PROCR: variants seen among roughly 807,000 people sequenced by gnomAD.
PROCR encodes the protein protein C receptor.
A neutral mutation model predicts 24.2 loss-of-function variants in PROCR; 22 were observed. The ratio of observed to expected loss-of-function variants is 0.91; its 90% CI spans 0.65 to 1.30. The LOEUF is 1.30. Among genes scored for constraint, PROCR ranks in the 50% most tolerant of loss-of-function variants. The pLI is 0.00. For synonymous variants in PROCR, 137 were observed against 139.2 expected (o/e 0.98, Z 0.11); for missense variants, 288 against 307.7 (o/e 0.94, Z 0.48).
chr20:35,202,085 T>C (rs1325679303), intron 1 of PROCR: 1 of 152,100 alleles, frequency 6.6e-6, no homozygotes, highest in Non-Finnish European at 1.5e-5. Flanking sequence ...CAAAAAACAC[T>C]CTACCCAAGA....
At chr20:35,197,620 G>C (rs747885350) in intron 1 of PROCR, among the ~76,000 whole-genome samples, 3 of 151,728 alleles carry the variant, frequency 2.0e-5, no homozygotes, top group East Asian at 1.9e-4. Context: ...TCAGGAGTTC[G>C]AGACTAGCCT....
At position 35,195,845 on chromosome 20, in the gene PROCR, A is replaced by AAAAG. The variant is rs763109561; in HGVS notation, c.94+19415_94+19418dup. ...CAAAAAAAAAAAAAAAAAGAAAAAG[A>AAAAG]AAAGAAAGAAAGAAAGAAAAAGAAC... is the stretch of plus-strand genomic sequence containing the variant. On this transcript the variant is annotated intron_variant, in intron 1 of 1. Transcript: ENST00000634509. 3.6e-3 allele frequency among the ~76,000 whole-genome samples: 538 copies of AAAAG among 150,952 alleles called. 2 individuals carry two copies. The highest frequency in any genetic ancestry group is 6.6e-3 in the Non-Finnish European group (445 of 67,720).
In PROCR at chr20:35,174,739, C is replaced by T; in HGVS notation, c.108C>T (p.Phe36=). The part of the protein sequence containing the change: ...QRLHMLQISY[F]RDPYHVWYQG... ...TTCATATGCTCCAGATCTCCTACTT[C>T]CGCGACCCCTATCACGTGTGGTACC... The change falls in exon 2 of 4, where the codon TTC becomes TTT. Residue 36 remains phenylalanine, a synonymous_variant. Transcript: ENST00000216968. The T allele has an allele frequency of 6.2e-7, 1 of 1,614,124 alleles. No individual in the cohort carries two copies. Among genetic ancestry groups the T allele is most frequent in the Non-Finnish European group, 8.5e-7 (1 of 1,180,014 alleles).
rs1029190106 is a variant in PROCR, at chr20:35,172,171, T to C, written c.17T>C (p.Leu6Pro). Residue 6 changes from leucine (L) to proline (P), a missense_variant, in exon 1 of 4, where the codon CTG becomes CCG. Coordinates refer to ENST00000216968, the MANE Select transcript of PROCR (RefSeq NM_006404.5). Reference sequence around the variant, plus strand: ...AACTTCAGGATGTTGACAACATTGCTGCCGATACTGCTGCTGTCTGGCTGG... The same window carrying C: ...AACTTCAGGATGTTGACAACATTGCCGCCGATACTGCTGCTGTCTGGCTGG... MLTTLLPILLLSGWAF... is the reference protein window; with the variant it reads MLTTLPPILLLSGWAF... 1 of 1,614,192 alleles carries C rather than the reference T, an allele frequency of 6.2e-7. No homozygotes were observed. The highest frequency in any genetic ancestry group is 1.3e-5 in the African/African-American group (1 of 75,064).
At chr20:35,203,009 G>A (rs1341096887) in intron 1 of PROCR, 1 of 152,138 alleles carries the variant, frequency 6.6e-6, no homozygotes, top group African/African-American at 2.4e-5. Flanking sequence ...CGGGCGTGGT[G>A]GCTCACACTT....
chr20:35,195,445 A>C (rs2086207308), intron 1 of PROCR: 1 of 152,206 alleles, frequency 6.6e-6, no homozygotes, highest in African/African-American at 2.4e-5. Flanking sequence ...AAATGTTTTT[A>C]AACAATCAGA....
chr20:35,201,227 A>G (rs2060317021), intron 1 of PROCR, among the ~76,000 whole-genome samples: 1 of 152,172 alleles, frequency 6.6e-6, no homozygotes, highest in Non-Finnish European at 1.5e-5. Flanking sequence ...AATATAAAAC[A>G]TATTCAAATA....
Position 35,172,093 on chromosome 20 carries a change from C to T in PROCR, c.-62C>T. The T allele has an allele frequency of 6.6e-7, 1 of 1,519,462 alleles. No homozygotes were observed. Among genetic ancestry groups the T allele is most frequent in the Non-Finnish European group, 9.1e-7 (1 of 1,094,304 alleles). The allele number at this position is 1,519,462 out of a possible 1,614,324, so 94.1% of individuals were successfully genotyped here. A position where few individuals can be genotyped will look rare whatever the true frequency, so the allele number is the denominator to read the frequency against. On this transcript the variant is annotated 5_prime_UTR_variant, in exon 1 of 4. Coordinates refer to ENST00000216968, the MANE Select transcript of PROCR (RefSeq NM_006404.5). ...CCTCACTTCTCTTTTCCCTAGACTG[C>T]AGCCAGCGGAGCCCGCAGCCGGCCC... is the stretch of plus-strand genomic sequence containing the variant.
At chr20:35,183,582 T>C (rs1277526398) in intron 1 of PROCR, among the ~76,000 whole-genome samples, 2 of 152,188 alleles carry the variant, frequency 1.3e-5, no homozygotes, top group Non-Finnish European at 2.9e-5. Context: ...TATTCCAGTA[T>C]AGCAGCACAA....
At chr20:35,174,987 C>T (rs1295282478) in intron 2 of PROCR, 34 bp downstream of exon 2, 15 of 115,284 alleles carry the variant, frequency 1.3e-4, no homozygotes, top group Admixed American at 1.2e-3. Flanking sequence ...GGGGTCTGGG[C>T]GGGGCTAGTG....
chr20:35,210,754 C>A (rs1306199191), intron 1 of PROCR, among the ~76,000 whole-genome samples: 1 of 151,078 alleles, frequency 6.6e-6, no homozygotes, highest in Non-Finnish European at 1.5e-5. Flanking sequence ...TCACTCTTGC[C>A]CAGGCTAGAG....
intron 1 of PROCR, among the ~76,000 whole-genome samples, chr20:35,195,788 T>G (rs2086209689): frequency 7.3e-6 from 1 of 136,972 alleles, no homozygotes. Context: ...ACCATTGCAC[T>G]CTAGCTTGAG....
intron 1 of PROCR, among the ~76,000 whole-genome samples, chr20:35,205,265 T>TC (rs2060333714): frequency 7.4e-6 from 1 of 134,488 alleles, no homozygotes; most frequent in Non-Finnish European, 1.7e-5. Context: ...AGAGCAAGAC[T>TC]CCATCTCAAT....
intron 1 of PROCR, among the ~76,000 whole-genome samples, chr20:35,204,099 C>T (rs2060328697): frequency 6.6e-6 from 1 of 152,100 alleles, no homozygotes; most frequent in Admixed American, 6.6e-5. Flanking sequence ...GGGGATGTCA[C>T]TTCAGACCCT....
intron 1 of PROCR, among the ~76,000 whole-genome samples, chr20:35,199,606 G>A (rs565788344): frequency 2.8e-4 from 43 of 152,088 alleles, no homozygotes; most frequent in African/African-American, 9.6e-4. Context: ...GAAATTGGCC[G>A]GGCATGGTGG....
At chr20:35,176,071 ACT>A (rs2086012892) in intron 2 of PROCR, 95 bp from the exon 3 acceptor site, 1 of 1,375,304 alleles carries the variant, frequency 7.3e-7, no homozygotes, top group Non-Finnish European at 1.0e-6. Context: ...CACAGCACTG[ACT>A]CTTGCCTTCT....
intron 1 of PROCR, chr20:35,215,838 C>T: frequency 1.0e-6 from 1 of 984,658 alleles, no homozygotes; most frequent in Non-Finnish European, 1.2e-6. Context: ...GTCAAGGAGA[C>T]TTCCTAAGCT....
At chr20:35,209,060 G>A (rs2060352666) in intron 1 of PROCR, among the ~76,000 whole-genome samples, 1 of 152,238 alleles carries the variant, frequency 6.6e-6, no homozygotes, top group Non-Finnish European at 1.5e-5. Context: ...AGCTTATGGT[G>A]TAGAGGGGGA....
chr20:35,197,692 G>T (rs8121179), intron 1 of PROCR, among the ~76,000 whole-genome samples: 4,592 of 151,686 alleles, frequency 0.03, 235 homozygotes, highest in African/African-American at 0.11. Context: ...CATGGTGGCA[G>T]ATGCCTGTAA....
Sources: allele counts gnomAD v4.1 joint callset (sites outside exome capture counted in the v4.1 genomes callset), GRCh38; gene constraint gnomAD v4.1.1; transcripts MANE v1.5; gene names NCBI Gene and HGNC (gene_info 2026-07-23, HGNC 2026-07-21).